The following HAP1 variants were observed in gnomAD, a reference collection of about 807,000 sequenced individuals.
The protein encoded by HAP1 is huntingtin-associated protein 1.
HAP1 carries 59 observed loss-of-function variants against 60.3 expected under a neutral mutation model. The ratio of observed to expected loss-of-function variants is 0.98; its 90% CI spans 0.79 to 1.22. The LOEUF is 1.22. Among genes scored for constraint, HAP1 ranks in the 50% most tolerant of loss-of-function variants. The pLI, the probability that HAP1 is intolerant of heterozygous loss-of-function variation, is 0.00. For synonymous variants in HAP1, 346 were observed against 330.6 expected, an observed-to-expected ratio of 1.05 and a Z score of -0.50; for missense variants, 825 against 785.3, an observed-to-expected ratio of 1.05 and a Z score of -0.60.
intron 9 of HAP1, 138 bp from the exon 10 acceptor site, chr17:41,726,035 C>A: frequency 1.5e-6 from 1 of 676,138 alleles, no homozygotes; most frequent in Non-Finnish European, 2.7e-6. Context: ...TTTGGGAGGC[C>A]GAGGTGGGCA....
intron 1 of HAP1, among the ~76,000 whole-genome samples, chr17:41,733,752 C>T (rs1912455945): frequency 6.6e-6 from 1 of 152,026 alleles, no homozygotes; most frequent in Non-Finnish European, 1.5e-5. Context: ...CAAAACTTCC[C>T]CCTCCGCCCG....
chr17:41,724,978 T>C lies in HAP1; in HGVS notation c.1583A>G (p.Glu528Gly). 2 of 1,612,560 alleles carry C rather than the reference T, an allele frequency of 1.2e-6. No homozygotes were observed. Among genetic ancestry groups the C allele is most frequent in the Non-Finnish European group, 1.7e-6 (2 of 1,179,926 alleles). Residue 528 changes from glutamate (E) to glycine (G), a missense_variant, in exon 11 of 11, where the codon GAA becomes GGA. Glu to Gly is a moderately conservative substitution (Grantham distance 98). Coordinates refer to ENST00000347901, the MANE Select transcript of HAP1 (RefSeq NM_177977.3). ...CTCCTCTGACACCAGCTCTGCCTCT[T>C]CCATCACCCCTTCCTCAGCCGGCAC... Reference protein sequence around the residue: ...KKVPAEEGVMEEAELVSEETE... With the variant: ...KKVPAEEGVMGEAELVSEETE...
At chr17:41,732,463 T>G in intron 2 of HAP1, 69 bp from the exon 3 acceptor site, 18 of 1,524,564 alleles carry the variant, frequency 1.2e-5, no homozygotes, top group African/African-American at 1.4e-5. Context: ...CCTAGTTCTC[T>G]AGGGTACCAG....
Position 41,734,545 on chromosome 17 carries a change from TGAGGGCGAAGGTGCACAGG to T in HAP1, c.71_89del (p.Thr24LysfsTer21), listed in dbSNP as rs782186521. On this transcript the variant is annotated frameshift_variant, in exon 1 of 11. Transcript: ENST00000347901. LOFTEE classifies it high-confidence loss of function. ...CAGAGGGCTCCGGAGCGGGACTGGCTGAGGGCGAAGGTGCACAGGTGAGTGCTGCTGGGTCCCCGGGTCC... is the reference window on the plus strand; with the variant it reads ...CAGAGGGCTCCGGAGCGGGACTGGCTTGAGTGCTGCTGGGTCCCCGGGTCC... 1.4e-5 allele frequency: 23 copies of T among 1,609,784 alleles called. No individual in the cohort carries two copies. Among genetic ancestry groups the T allele is most frequent in the Non-Finnish European group, 1.9e-5 (22 of 1,179,318 alleles).
chr17:41,719,003 G>C (rs1299990894), downstream of HAP1, among the ~76,000 whole-genome samples: 1 of 152,108 alleles, frequency 6.6e-6, no homozygotes, highest in Non-Finnish European at 1.5e-5. Flanking sequence ...TTTTGAGACA[G>C]AGTCTTGCTC....
At chr17:41,726,943 A>C (rs1911684216) in intron 9 of HAP1, 110 bp downstream of exon 9, 1 of 635,754 alleles carries the variant, frequency 1.6e-6, no homozygotes, top group East Asian at 2.7e-5. Context: ...TGATGCAGTG[A>C]ACGAGGCGGG....
At chr17:41,732,186 C>A in intron 3 of HAP1, 44 bp downstream of exon 3, 1 of 1,610,738 alleles carries the variant, frequency 6.2e-7, no homozygotes, top group Non-Finnish European at 8.5e-7. Flanking sequence ...TGGCATGAGG[C>A]AGGTGTAGAT....
chr17:41,734,064 T>C, intron 1 of HAP1, 102 bp downstream of exon 1: 1 of 899,720 alleles, frequency 1.1e-6, no homozygotes, highest in Non-Finnish European at 1.7e-6. Context: ...CGGGTGACAC[T>C]GAGTGCTAGA....
At chr17:41,727,919 C>T in intron 7 of HAP1, 83 bp from the exon 8 acceptor site, 1 of 862,354 alleles carries the variant, frequency 1.2e-6, no homozygotes, top group East Asian at 2.4e-5. Context: ...TCTTCCCAGG[C>T]ACATCAGTGA....
Position 41,725,014 on chromosome 17 carries a change from GC to G in HAP1, c.1546del (p.Ala516LeufsTer11). 1 of 1,611,840 alleles carries G rather than the reference GC, an allele frequency of 6.2e-7. No homozygotes were observed. On this transcript the variant is annotated frameshift_variant, in exon 11 of 11. Coordinates refer to ENST00000347901, the MANE Select transcript of HAP1 (RefSeq NM_177977.3). LOFTEE classifies it low-confidence loss of function (END_TRUNC). ...TTCCTCAGCCGGCACCTTCTTGGCA[GC>G]CCCCAGCTCCTCCTGGGGCACGAAC... ...EEFVPQEELG[A>X]AKKVPAEEGV... is the part of the protein sequence containing the mutation.
Position 41,731,921 on chromosome 17 carries a change from A to AT in HAP1, c.896+15_896+16insA, listed in dbSNP as rs782335598. ...GCTCAGAGAAAGGACTTGCAGGTGC[A>AT]AAGGCAGGAACTCACAGCTTAGGGG... On this transcript the variant is annotated intron_variant, in intron 4 of 10. Transcript: ENST00000347901. 17 of 842,756 alleles carry AT rather than the reference A, an allele frequency of 2.0e-5. No individual in the cohort carries two copies. Among genetic ancestry groups the AT allele is most frequent in the Non-Finnish European group, 3.4e-5 (17 of 500,620 alleles). The allele number at this position is 842,756 out of a possible 1,614,324, so 52.2% of individuals were successfully genotyped here.
chr17:41,731,364 T>C, intron 6 of HAP1, 129 bp downstream of exon 6: 1 of 748,196 alleles, frequency 1.3e-6, no homozygotes, highest in South Asian at 1.5e-5. Context: ...GGTCAAGGAA[T>C]GTATCCAAGT....
At chr17:41,732,897 C>T in intron 1 of HAP1, 99 bp from the exon 2 acceptor site, 1 of 772,700 alleles carries the variant, frequency 1.3e-6, no homozygotes, top group South Asian at 1.4e-5. Context: ...ATCGTCAGTT[C>T]TCCAACAAGG....
Position 41,727,810 on chromosome 17 carries a change from C to A in HAP1, c.1227G>T (p.Gln409His), listed in dbSNP as rs782295845. Residue 409 changes from glutamine (Q) to histidine (H), a missense_variant, in exon 8 of 11, where the codon CAG becomes CAT. Transcript: ENST00000347901. The stretch of plus-strand genomic sequence containing the variant: ...TTTCCTTCTCCGAAGCCAGCTGCTT[C>A]TGCAACTTTTCAGTCTCAGCCCCAT... The part of the protein sequence containing the change: ...RMYGAETEKL[Q>H]KQLASEKEIQ... The A allele has an allele frequency of 4.3e-6, 7 of 1,611,630 alleles. No homozygotes were observed. The highest frequency in any genetic ancestry group is 5.1e-6 in the Non-Finnish European group (6 of 1,178,232).
chr17:41,724,239 C>A lies in HAP1; in HGVS notation c.*462G>T. 1 of 164,586 alleles carries A rather than the reference C, an allele frequency of 6.1e-6. No individual in the cohort carries two copies. The highest frequency in any genetic ancestry group is 1.7e-4 in the South Asian group (1 of 5,900). 10.2% of individuals were successfully genotyped at this position (164,586 alleles called of 1,614,324 possible). A position where few individuals can be genotyped will look rare whatever the true frequency, so the allele number is the denominator to read the frequency against. On this transcript the variant is annotated 3_prime_UTR_variant, in exon 11 of 11. Coordinates refer to ENST00000347901, the MANE Select transcript of HAP1 (RefSeq NM_177977.3). ...CTGGTGAAGGCCTTTGTCCCCATAGCCTGGGCAGTCCCAGAAGGCCTCTCT... is the reference window on the plus strand; with the variant it reads ...CTGGTGAAGGCCTTTGTCCCCATAGACTGGGCAGTCCCAGAAGGCCTCTCT...
At position 41,732,401 on chromosome 17, in the gene HAP1, G is replaced by A. The variant is rs1307544503; in HGVS notation, c.550-7C>T. 1 of 1,613,634 alleles carries A rather than the reference G, an allele frequency of 6.2e-7. No individual in the cohort carries two copies. The highest frequency in any genetic ancestry group is 8.5e-7 in the Non-Finnish European group (1 of 1,179,818). ...CCCAGACAGGTGGGAGAAGCTGGGG[G>A]GGACACAGGGGTCAGAGAGAGGCTA... On this transcript the variant is annotated splice_region_variant and splice_polypyrimidine_tract_variant and intron_variant, in intron 2 of 10. Coordinates refer to ENST00000347901, the MANE Select transcript of HAP1 (RefSeq NM_177977.3).
chr17:41,725,212 AC>A, intron 10 of HAP1, 58 bp from the exon 11 acceptor site: 1 of 1,339,302 alleles, frequency 7.5e-7, no homozygotes. Flanking sequence ...CCCCAGGCCC[AC>A]CCCCACCCGT....
chr17:41,718,528 G>A (rs533961432), downstream of HAP1, among the ~76,000 whole-genome samples: 19 of 151,918 alleles, frequency 1.3e-4, no homozygotes, highest in Admixed American at 2.6e-4. Context: ...CCCAGAAGAG[G>A]GCTGAGGTCC....
intron 8 of HAP1, chr17:41,727,469 C>T (rs7211623): frequency 0.061 from 47,413 of 776,346 alleles, 5,036 homozygotes; most frequent in African/African-American, 0.39. Context: ...GGGACCCAGG[C>T]ACACCCAGTC....
Sources: allele counts gnomAD v4.1 joint callset (sites outside exome capture counted in the v4.1 genomes callset), GRCh38; gene constraint gnomAD v4.1.1; transcripts MANE v1.5; gene names NCBI Gene and HGNC (gene_info 2026-07-23, HGNC 2026-07-21).